Variants in PSD3 observed in about 807,000 individuals in gnomAD.
PSD3 encodes the protein PH and SEC7 domain-containing protein 3.
PSD3 carries 49 observed loss-of-function variants against 105.5 expected under a neutral mutation model. The observed-to-expected ratio is 0.46, with a 90% CI of 0.37 to 0.59. The LOEUF (loss-of-function observed/expected upper bound fraction) is 0.59. Among genes scored for constraint, PSD3 ranks in the 20% least tolerant of loss-of-function variants. The probability of loss-of-function intolerance (pLI) is 0.00; values close to 1 mark genes in which losing one functional copy is unlikely to be tolerated. For synonymous variants in PSD3, 557 were observed against 457.8 expected, an observed-to-expected ratio of 1.22 and a Z score of -2.77; for missense variants, 1,561 against 1,263.8, an observed-to-expected ratio of 1.24 and a Z score of -3.57.
At chr8:19,026,201 T>A (rs1222095202) in intron 1 of PSD3, among the ~76,000 whole-genome samples, 1 of 152,184 alleles carries the variant, frequency 6.6e-6, no homozygotes, top group Non-Finnish European at 1.5e-5. Flanking sequence ...CAATTCAAGA[T>A]GAGATGAGGT....
intron 1 of PSD3, among the ~76,000 whole-genome samples, chr8:18,977,612 T>C (rs946315289): frequency 3.3e-5 from 5 of 152,166 alleles, no homozygotes; most frequent in Non-Finnish European, 7.3e-5. Flanking sequence ...TGTATTCTGA[T>C]ATGAGAGATG....
At chr8:18,968,059 A>T (rs1824393566) in intron 1 of PSD3, among the ~76,000 whole-genome samples, 1 of 136,098 alleles carries the variant, frequency 7.3e-6, no homozygotes, top group African/African-American at 2.5e-5. Flanking sequence ...ATTCATCTCA[A>T]GCTCCTCACG....
At chr8:18,712,685 A>T (rs1260240553) in intron 9 of PSD3, among the ~76,000 whole-genome samples, 2 of 152,200 alleles carry the variant, frequency 1.3e-5, no homozygotes, top group Non-Finnish European at 2.9e-5. Context: ...GATGCATTAC[A>T]GCTGAATTCT....
At chr8:18,893,550 G>A (rs1818948159) in intron 2 of PSD3, among the ~76,000 whole-genome samples, 1 of 152,022 alleles carries the variant, frequency 6.6e-6, no homozygotes, top group African/African-American at 2.4e-5. Context: ...TTCGTCTCAA[G>A]TATCAAGTAA....
chr8:18,600,015 G>C (rs1476941722), intron 12 of PSD3, among the ~76,000 whole-genome samples: 5 of 152,116 alleles, frequency 3.3e-5, no homozygotes, highest in Admixed American at 3.3e-4. Flanking sequence ...AGGGTCACTT[G>C]AACACAAACA....
intron 2 of PSD3, among the ~76,000 whole-genome samples, chr8:18,921,776 C>T (rs969624998): frequency 6.6e-6 from 1 of 152,262 alleles, no homozygotes; most frequent in South Asian, 2.1e-4. Flanking sequence ...GCCCAGTGTT[C>T]ACGGGCTTCA....
chr8:18,569,389 G>A (rs1802005311), intron 14 of PSD3, among the ~76,000 whole-genome samples: 1 of 148,798 alleles, frequency 6.7e-6, no homozygotes, highest in Non-Finnish European at 1.5e-5. Flanking sequence ...ACTTTTTAAT[G>A]ATTGCCATTC....
chr8:18,798,707 T>C (rs907835736), intron 8 of PSD3, among the ~76,000 whole-genome samples: 11 of 66,254 alleles, frequency 1.7e-4, no homozygotes, highest in Non-Finnish European at 6.1e-4. Context: ...TTCATTTATT[T>C]TAAAGAGTAT....
At chr8:18,798,998 G>C (rs1214884851) in intron 8 of PSD3, 4 of 299,216 alleles carry the variant, frequency 1.3e-5, no homozygotes, top group Non-Finnish European at 2.5e-5. Context: ...TTCTCAACCA[G>C]AAAACAAAAA....
chr8:18,614,819 A>T (rs1490747367), intron 11 of PSD3, among the ~76,000 whole-genome samples: 2 of 148,170 alleles, frequency 1.3e-5, no homozygotes, highest in Admixed American at 1.4e-4. Flanking sequence ...TTGTTTTCAT[A>T]GACACGGGGT....
At chr8:18,652,401 G>C (rs1808558089) in intron 10 of PSD3, among the ~76,000 whole-genome samples, 1 of 151,380 alleles carries the variant, frequency 6.6e-6, no homozygotes, top group South Asian at 2.1e-4. Context: ...GTCAGAGAAA[G>C]TCTAGTTAGA....
chr8:18,660,111 G>T (rs1809235237), intron 9 of PSD3, among the ~76,000 whole-genome samples: 2 of 152,178 alleles, frequency 1.3e-5, no homozygotes, highest in Admixed American at 6.6e-5. Flanking sequence ...CTTTAAAGAT[G>T]TGATTAAGTT....
rs879892424 is a variant in PSD3, at chr8:18,991,353, T to TACAC, written c.21+22206_21+22209dup. Reference sequence around the variant, plus strand: ...GCAACAGAAAACACACACACACACATACACACACACACACACACATACACA... The same window carrying TACAC: ...GCAACAGAAAACACACACACACACATACACACACACACACACACACACATACACA... On this transcript the variant is annotated intron_variant, in intron 1 of 15. Transcript: ENST00000327040. Among the ~76,000 whole-genome samples the TACAC allele has an allele frequency of 6.6e-4, 38 of 57,522 alleles. No individual in the cohort carries two copies. In the South Asian group the frequency reaches 0.011, roughly 16 times the overall value. 37.7% of individuals were successfully genotyped at this position (57,522 alleles called of 152,430 possible).
intron 12 of PSD3, among the ~76,000 whole-genome samples, chr8:18,576,021 C>CTT (rs1802442793): frequency 6.6e-6 from 1 of 152,002 alleles, no homozygotes; most frequent in Non-Finnish European, 1.5e-5. Context: ...ACACGTGTAC[C>CTT]CCCGAACACA....
chr8:19,083,427 A>T (rs1049829638), intron 1 of PSD3, among the ~76,000 whole-genome samples: 2 of 152,216 alleles, frequency 1.3e-5, no homozygotes, highest in South Asian at 4.1e-4. Context: ...CAGAGCCCGT[A>T]GAGCTGGAAA....
At chr8:19,045,685 A>G (rs949962871) in intron 1 of PSD3, among the ~76,000 whole-genome samples, 2 of 152,204 alleles carry the variant, frequency 1.3e-5, no homozygotes, top group Admixed American at 6.5e-5. Context: ...GGGGAAGGAA[A>G]TCCTAGAAAT....
chr8:18,592,053 T>C (rs572496383), intron 12 of PSD3, among the ~76,000 whole-genome samples: 3 of 152,016 alleles, frequency 2.0e-5, no homozygotes, highest in Admixed American at 6.6e-5. Context: ...CATGGTTCAA[T>C]GGAACAAAAT....
intron 11 of PSD3, among the ~76,000 whole-genome samples, chr8:18,609,516 G>A (rs1427990452): frequency 1.3e-5 from 2 of 152,140 alleles, no homozygotes; most frequent in Non-Finnish European, 2.9e-5. Flanking sequence ...AAAGCACAAG[G>A]CATTTTTAAG....
intron 9 of PSD3, among the ~76,000 whole-genome samples, chr8:18,740,048 T>C (rs955161936): frequency 1.3e-5 from 2 of 152,174 alleles, no homozygotes; most frequent in Non-Finnish European, 2.9e-5. Context: ...GGGACAAAAC[T>C]GCAAGATGTT....
Sources: gnomAD v4.1 joint callset for allele counts (sites outside exome capture counted in the v4.1 genomes callset) on GRCh38, gnomAD v4.1.1 for gene constraint, MANE v1.5 for transcripts, NCBI Gene and HGNC (gene_info 2026-07-23, HGNC 2026-07-21) for gene names.